COLEC10: variants seen among roughly 807,000 people sequenced by gnomAD.
The protein encoded by COLEC10 is collectin-10.
Under a neutral mutation model 28.4 loss-of-function variants are expected in COLEC10, and 22 were observed. The ratio of observed to expected loss-of-function variants is 0.78; its 90% confidence interval spans 0.55 to 1.11. The LOEUF (loss-of-function observed/expected upper bound fraction) is 1.11. COLEC10 is among the 50% of genes least tolerant of loss of function. The probability of loss-of-function intolerance (pLI) is 0.00; values close to 1 mark genes in which losing one functional copy is unlikely to be tolerated. For synonymous variants in COLEC10, 125 were observed against 116.1 expected, an observed-to-expected ratio of 1.08 and a Z score of -0.49; for missense variants, 361 against 344.1, an observed-to-expected ratio of 1.05 and a Z score of -0.39.
chr8:118,996,429 A>G (rs1813591387), intron 1 of COLEC10, among the ~76,000 whole-genome samples: 1 of 152,138 alleles, frequency 6.6e-6, no homozygotes, highest in African/African-American at 2.4e-5. Context: ...TTTTTGAGGA[A>G]CGCTCGTTCT....
At chr8:119,013,754 A>G (rs2130090356) in intron 2 of COLEC10, among the ~76,000 whole-genome samples, 1 of 150,750 alleles carries the variant, frequency 6.6e-6, no homozygotes, top group African/African-American at 2.5e-5. Flanking sequence ...TCCCTGCTTT[A>G]AAGTCTTGTT....
chr8:119,077,472 G>A (rs760890732), intron 1 of COLEC10, among the ~76,000 whole-genome samples: 1 of 152,098 alleles, frequency 6.6e-6, no homozygotes, highest in Non-Finnish European at 1.5e-5. Context: ...TTATTAATGG[G>A]AAGATAATCT....
chr8:119,026,099 G>A (rs186816275), intron 2 of COLEC10, among the ~76,000 whole-genome samples: 1 of 152,088 alleles, frequency 6.6e-6, no homozygotes, highest in South Asian at 2.1e-4. Context: ...CATTTTCTCA[G>A]TTCTTTTCAT....
At chr8:118,965,710 A>G in the COLEC10 span, among the ~76,000 whole-genome samples, 1 of 152,086 alleles carries the variant, frequency 6.6e-6, no homozygotes, top group Admixed American at 6.6e-5. Context: ...TTTCAAAACA[A>G]GAAAAGAAGA....
chr8:119,014,624 G>C (rs1279166090), intron 2 of COLEC10, among the ~76,000 whole-genome samples: 1 of 150,290 alleles, frequency 6.7e-6, no homozygotes, highest in South Asian at 2.1e-4. Flanking sequence ...ATAATAATTT[G>C]GGGGAAATTA....
intron 1 of COLEC10, among the ~76,000 whole-genome samples, chr8:119,086,936 T>C (rs1815492180): frequency 6.6e-6 from 1 of 152,232 alleles, no homozygotes; most frequent in Admixed American, 6.5e-5. Flanking sequence ...CAAATGCCCC[T>C]GTTTGAATCC....
chr8:119,073,966 A>G (rs71515970), intron 1 of COLEC10, among the ~76,000 whole-genome samples: 3,418 of 150,670 alleles, frequency 0.023, 54 homozygotes, highest in South Asian at 0.075. Context: ...ATACACATAT[A>G]CACATATATA....
intron 2 of COLEC10, among the ~76,000 whole-genome samples, chr8:119,015,716 TC>T (rs1325873879): frequency 6.6e-6 from 1 of 152,180 alleles, no homozygotes; most frequent in Non-Finnish European, 1.5e-5. Context: ...GTTTCTGTAT[TC>T]CTATGTCTGT....
chr8:119,094,918 T>C (rs1187033654), intron 3 of COLEC10, among the ~76,000 whole-genome samples: 1 of 152,118 alleles, frequency 6.6e-6, no homozygotes, highest in Non-Finnish European at 1.5e-5. Context: ...TACTGAACAC[T>C]TTATCTCCTG....
chr8:119,050,298 A>AATGTCAAGG (rs2130174882), intron 2 of COLEC10, among the ~76,000 whole-genome samples: 1 of 152,330 alleles, frequency 6.6e-6, no homozygotes, highest in South Asian at 2.1e-4. Flanking sequence ...TAGGTTCCTG[A>AATGTCAAGG]ATGTCAAGGA....
chr8:119,096,218 G>A (rs1425969323), intron 3 of COLEC10, among the ~76,000 whole-genome samples: 2 of 152,106 alleles, frequency 1.3e-5, no homozygotes, highest in African/African-American at 4.8e-5. Context: ...TTTGATCCTA[G>A]GGTAGCCAAC....
chr8:119,006,429 A>G (rs1813798944), intron 1 of COLEC10, among the ~76,000 whole-genome samples: 1 of 151,964 alleles, frequency 6.6e-6, no homozygotes, highest in South Asian at 2.1e-4. Context: ...TTCTGAAATC[A>G]CTTTCTAAAT....
intron 3 of COLEC10, among the ~76,000 whole-genome samples, chr8:119,094,109 T>A (rs915505450): frequency 1.3e-5 from 2 of 152,142 alleles, no homozygotes; most frequent in Non-Finnish European, 1.5e-5. Flanking sequence ...ACTATGTAGC[T>A]CTATCCAAAG....
rs762940466 is a variant in COLEC10 at position 119,091,234 on chromosome 8, T to G, written c.292+14T>G. On this transcript the variant is annotated intron_variant, in intron 3 of 5. Transcript: ENST00000332843. ...TTGGGAAGAAGGGTAAGTTGCATCT[T>G]ACTATTCTCCAGTAGCAATTCAAAG... 9 of 1,603,892 alleles carry G rather than the reference T, an allele frequency of 5.6e-6. No individual in the cohort carries two copies. Among genetic ancestry groups the G allele is most frequent in the African/African-American group, 1.3e-5 (1 of 74,640 alleles).
intron 2 of COLEC10, among the ~76,000 whole-genome samples, chr8:119,053,524 T>C (rs1396962522): frequency 6.6e-6 from 1 of 152,136 alleles, no homozygotes; most frequent in Non-Finnish European, 1.5e-5. Flanking sequence ...CAATAGTTCT[T>C]AGCAGGTGCT....
At chr8:119,102,513 T>C in intron 4 of COLEC10, 112 bp downstream of exon 4, 1 of 883,460 alleles carries the variant, frequency 1.1e-6, no homozygotes, top group Non-Finnish European at 1.7e-6. Context: ...ATGCTTAACC[T>C]TATTTTCCTC....
At chr8:118,997,021 T>C (rs1813601492) in intron 1 of COLEC10, among the ~76,000 whole-genome samples, 2 of 152,132 alleles carry the variant, frequency 1.3e-5, no homozygotes, top group Admixed American at 1.3e-4. Flanking sequence ...CAGGCCTACC[T>C]CCCACACTGG....
chr8:119,089,570 C>T, intron 1 of COLEC10, 110 bp from the exon 2 acceptor site: 1 of 782,670 alleles, frequency 1.3e-6, no homozygotes, highest in Non-Finnish European at 2.2e-6. Context: ...GATTGTGAGG[C>T]AAGCGCTGAG....
intron 1 of COLEC10, among the ~76,000 whole-genome samples, chr8:119,081,198 C>T (rs1019669943): frequency 6.6e-6 from 1 of 152,064 alleles, no homozygotes; most frequent in Non-Finnish European, 1.5e-5. Flanking sequence ...ATTTACATAG[C>T]CAAGAACAAT....
Sources: gnomAD v4.1 joint callset for allele counts (sites outside exome capture counted in the v4.1 genomes callset) on GRCh38, gnomAD v4.1.1 for gene constraint, MANE v1.5 for transcripts, NCBI Gene and HGNC (gene_info 2026-07-23, HGNC 2026-07-21) for gene names.